Variants in TRRAP observed in about 807,000 individuals in gnomAD.
The protein encoded by TRRAP is transformation/transcription domain-associated protein.
A neutral mutation model predicts 438.8 loss-of-function variants in TRRAP; 41 were observed. That is an observed-to-expected ratio of 0.09 (90% CI 0.07 to 0.12). The LOEUF (loss-of-function observed/expected upper bound fraction) is 0.12. Ranked by LOEUF, TRRAP falls within the 10% of genes least tolerant of loss-of-function variation. The pLI is 1.00. For missense variants in TRRAP, 3,122 were observed against 5,055.1 expected (o/e 0.62, Z 11.60); for synonymous variants, 1,994 against 1,962.9 (o/e 1.02, Z -0.42).
In TRRAP at chr7:99,008,502, T is replaced by C. The variant is rs1554431429; in HGVS notation, c.10879T>C (p.Ser3627Pro). The change falls in exon 70 of 73, where the codon TCC (serine) becomes CCC (proline). Residue 3627 changes from serine (S) to proline (P), a missense_variant. By Grantham distance (74) the Ser-to-Pro change is moderately conservative. This residue lies in a region of TRRAP where 192 missense variants were observed against 355.6 expected (regional missense o/e 0.54). Transcript: ENST00000456197. ...GGGCATCGAGCATGACAACCCCATC[T>C]CCCGTTACTATGACCGGCTGGCTAC... ...KKGIEHDNPISRYYDRLATVQ... is the reference protein window; with the variant it reads ...KKGIEHDNPIPRYYDRLATVQ... The C allele has an allele frequency of 6.2e-7, 1 of 1,614,032 alleles. No homozygotes were observed. Among genetic ancestry groups the C allele is most frequent in the Non-Finnish European group, 8.5e-7 (1 of 1,180,038 alleles).
At chr7:98,963,938 G>A (rs1164297641) in intron 47 of TRRAP, among the ~76,000 whole-genome samples, 4 of 151,988 alleles carry the variant, frequency 2.6e-5, no homozygotes, top group South Asian at 2.1e-4. Flanking sequence ...AAAATTAGCC[G>A]GGCGTGGTGG....
At chr7:98,880,262 G>GTTTTTTTTTTTTTT (rs201053093) in intron 1 of TRRAP, among the ~76,000 whole-genome samples, 5 of 132,106 alleles carry the variant, frequency 3.8e-5, no homozygotes, top group East Asian at 2.2e-4. Context: ...TGTTGTTGTT[G>GTTTTTTTTTTTTTT]TTTTTTTTTT....
In TRRAP at chr7:98,988,927, G is replaced by A. The variant is rs760498272; in HGVS notation, c.9552G>A (p.Arg3184=). ...SAITCYLHAC[R]HQNESKSRKY... is the part of the protein sequence containing the mutation. ...TCACCTGCTACCTGCACGCCTGCCG[G>A]CATCAGAACGAGAGCAAATCGAGGA... is the stretch of plus-strand genomic sequence containing the variant. Residue 3184 remains arginine, a synonymous_variant, in exon 63 of 73, where the codon CGG becomes CGA. Coordinates refer to ENST00000456197, the MANE Select transcript of TRRAP (RefSeq NM_001375524.1). 8.1e-6 allele frequency: 13 copies of A among 1,613,912 alleles called. No homozygotes were observed. The highest frequency in any genetic ancestry group is 1.1e-5 in the Non-Finnish European group (13 of 1,180,000).
intron 12 of TRRAP, among the ~76,000 whole-genome samples, 176 bp from the exon 13 acceptor site, chr7:98,906,001 A>G (rs987429595): frequency 6.6e-6 from 1 of 152,190 alleles, no homozygotes; most frequent in African/African-American, 2.4e-5. Flanking sequence ...GGCCCAGCAG[A>G]GCTGCTATGT....
chr7:98,983,189 A>T, intron 59 of TRRAP, 75 bp from the exon 60 acceptor site: 1 of 1,371,124 alleles, frequency 7.3e-7, no homozygotes, highest in Non-Finnish European at 9.9e-7. Flanking sequence ...CATGTCCCCA[A>T]TGGACTCTGG....
chr7:98,967,797 TGGA>T (rs1249288889), intron 51 of TRRAP, 99 bp downstream of exon 51: 2 of 1,082,728 alleles, frequency 1.8e-6, no homozygotes, highest in Non-Finnish European at 2.7e-6. Context: ...TGAGATGAAT[TGGA>T]AATCTCCAGC....
rs1795406249 is a variant in TRRAP at position 98,881,083 on chromosome 7, T to G, written c.-61-7T>G. ...TAAATTGACTAACTCTATGCTTCTT[T>G]TCATAGGCTGGTTGAACTCATGGAC... is the stretch of plus-strand genomic sequence containing the variant. On this transcript the variant is annotated splice_region_variant and splice_polypyrimidine_tract_variant and intron_variant, in intron 1 of 72. Coordinates refer to ENST00000456197, the MANE Select transcript of TRRAP (RefSeq NM_001375524.1). The G allele has an allele frequency of 7.2e-7, 1 of 1,383,152 alleles. No individual in the cohort carries two copies. Among genetic ancestry groups the G allele is most frequent in the South Asian group, 1.4e-5 (1 of 73,644 alleles). The allele number at this position is 1,383,152 out of a possible 1,614,324, so 85.7% of individuals were successfully genotyped here.
At chr7:98,912,836 A>G (rs887932110) in intron 18 of TRRAP, among the ~76,000 whole-genome samples, 3 of 151,280 alleles carry the variant, frequency 2.0e-5, no homozygotes, top group African/African-American at 4.9e-5. Context: ...CTTTTCAGGG[A>G]AAAAAAAACA....
At chr7:98,900,241 G>A (rs1345288338) in intron 10 of TRRAP, among the ~76,000 whole-genome samples, 1 of 152,056 alleles carries the variant, frequency 6.6e-6, no homozygotes, top group Non-Finnish European at 1.5e-5. Context: ...CTGACTTGGA[G>A]CCCGTCTGGC....
Position 98,930,226 on chromosome 7 carries a change from T to C in TRRAP, c.3393+20T>C. Reference sequence around the variant, plus strand: ...GAGAGGGTAAGGAAGGGTTGAGGAGTGTCTTCTGATTTGGAGGGTGTCTGT... The same window carrying C: ...GAGAGGGTAAGGAAGGGTTGAGGAGCGTCTTCTGATTTGGAGGGTGTCTGT... On this transcript the variant is annotated intron_variant, in intron 24 of 72. Coordinates refer to ENST00000456197, the MANE Select transcript of TRRAP (RefSeq NM_001375524.1). 1.9e-6 allele frequency: 3 copies of C among 1,612,136 alleles called. No individual in the cohort carries two copies. The highest frequency in any genetic ancestry group is 1.1e-5 in the South Asian group (1 of 91,000).
intron 70 of TRRAP, among the ~76,000 whole-genome samples, chr7:99,009,154 G>A (rs754470119): frequency 1.6e-4 from 25 of 152,188 alleles, no homozygotes; most frequent in Non-Finnish European, 2.5e-4. Flanking sequence ...TCACCTGCAC[G>A]TTTTTGCCCT....
intron 27 of TRRAP, among the ~76,000 whole-genome samples, chr7:98,933,983 C>G (rs185518446): frequency 7.2e-5 from 11 of 152,346 alleles, no homozygotes; most frequent in Admixed American, 7.2e-4. Flanking sequence ...GATTCCTAAT[C>G]ACTGCACTGT....
Position 98,948,315 on chromosome 7 carries a change from A to G in TRRAP, c.4643A>G (p.Lys1548Arg). The G allele has an allele frequency of 6.2e-7, 1 of 1,614,186 alleles. No individual in the cohort carries two copies. Among genetic ancestry groups the G allele is most frequent in the Non-Finnish European group, 8.5e-7 (1 of 1,180,038 alleles). Residue 1548 changes from lysine (K) to arginine (R), a missense_variant, in exon 34 of 73, where the codon AAA (lysine) becomes AGA (arginine). This residue lies in a region of TRRAP where 108 missense variants were observed against 256.9 expected (regional missense o/e 0.42). Transcript: ENST00000456197. This position sits in a 1 kb window ranked among gnomAD's most constrained non-coding sequence, Gnocchi z 4.9. ...LVKPLLEVVM[K>R]TERAMLIEAG... ...AAGCCTTTGCTAGAGGTTGTCATGA[A>G]AACGGAGCGGGCGATGCTGATCGAG... is the stretch of plus-strand genomic sequence containing the variant.
intron 20 of TRRAP, among the ~76,000 whole-genome samples, chr7:98,921,209 G>A (rs1789777854): frequency 6.6e-6 from 1 of 152,186 alleles, no homozygotes; most frequent in African/African-American, 2.4e-5. Context: ...TATTCCAGGA[G>A]CATGGATGAA....
intron 23 of TRRAP, among the ~76,000 whole-genome samples, chr7:98,928,781 T>C (rs1554412135): frequency 6.6e-6 from 1 of 152,086 alleles, no homozygotes; most frequent in African/African-American, 2.4e-5. Flanking sequence ...TTTGTTTTGT[T>C]TTGCTTTTTA....
At chr7:98,882,634 A>G (rs1239037623) in intron 3 of TRRAP, among the ~76,000 whole-genome samples, 2 of 150,754 alleles carry the variant, frequency 1.3e-5, no homozygotes, top group African/African-American at 4.9e-5. Context: ...AGGTGATAGC[A>G]TTACAGGCGT....
intron 3 of TRRAP, among the ~76,000 whole-genome samples, chr7:98,884,035 C>T (rs961260057): frequency 2.0e-5 from 3 of 152,102 alleles, no homozygotes; most frequent in Non-Finnish European, 4.4e-5. Context: ...TCAAATTCTG[C>T]CTGTGGATCT....
At chr7:98,909,056 T>A in intron 14 of TRRAP, 94 bp downstream of exon 14, 1 of 1,187,940 alleles carries the variant, frequency 8.4e-7, no homozygotes. Context: ...CAGATCCTTG[T>A]TCTGTTGCCT....
intron 38 of TRRAP, 37 bp from the exon 39 acceptor site, chr7:98,950,839 T>C (rs1791301223): frequency 1.3e-6 from 2 of 1,492,272 alleles, no homozygotes; most frequent in Non-Finnish European, 1.8e-6. Flanking sequence ...CAGCATGGCT[T>C]TGTTTTTCTC....
Sources: allele counts gnomAD v4.1 joint callset (sites outside exome capture counted in the v4.1 genomes callset), GRCh38; gene constraint gnomAD v4.1.1; regional missense constraint gnomAD v4.1.1; non-coding constraint Gnocchi (gnomAD v3.1); transcripts MANE v1.5; gene names NCBI Gene and HGNC (gene_info 2026-07-23, HGNC 2026-07-21).